TMEM181: variants seen among roughly 807,000 people sequenced by gnomAD.
The protein encoded by TMEM181 is transmembrane protein 181, also known as G protein-coupled receptor 178.
In TMEM181, 39 loss-of-function variants were observed where a neutral mutation model predicts 71.9. The ratio of observed to expected loss-of-function variants is 0.54; its 90% confidence interval spans 0.42 to 0.71. The LOEUF is 0.71. Among genes scored for constraint, TMEM181 ranks in the 30% least tolerant of loss-of-function variants. TMEM181 has a pLI of 0.00. For synonymous variants in TMEM181, 245 were observed against 228.8 expected (o/e 1.07, Z -0.64); for missense variants, 595 against 583.0 (o/e 1.02, Z -0.21).
chr6:158,575,456 G>A (rs530591126), intron 2 of TMEM181, among the ~76,000 whole-genome samples: 3 of 152,154 alleles, frequency 2.0e-5, no homozygotes, highest in African/African-American at 7.2e-5. Flanking sequence ...TGGGATTAGA[G>A]GCACCTGCCT....
At chr6:158,549,433 T>C (rs1040081665) in intron 1 of TMEM181, among the ~76,000 whole-genome samples, 4 of 152,244 alleles carry the variant, frequency 2.6e-5, no homozygotes, top group Non-Finnish European at 4.4e-5. Context: ...TAACATATAG[T>C]AGTAGACTTT....
At chr6:158,605,797 T>G (rs1173912398) in intron 7 of TMEM181, among the ~76,000 whole-genome samples, 1 of 152,138 alleles carries the variant, frequency 6.6e-6, no homozygotes, top group Non-Finnish European at 1.5e-5. Context: ...TGGGCTCGTT[T>G]GGGATCTGAG....
rs1371739887 is a variant in TMEM181, at chr6:158,597,049, G to T, written c.492+7267G>T. Among the ~76,000 whole-genome samples the T allele has an allele frequency of 2.0e-5, 3 of 152,140 alleles. No individual in the cohort carries two copies. The East Asian group carries it at 5.8e-4, about 29-fold the overall frequency. ...GATGAGGCTCTGTTTTCAGTGGAAG[G>T]TGTCTGTGCTGAGCAGATGTCTAGA... On this transcript the variant is annotated intron_variant, in intron 6 of 16. Coordinates refer to ENST00000684151, the MANE Select transcript of TMEM181 (RefSeq NM_001376852.1).
Position 158,634,744 on chromosome 6 carries a change from A to G in TMEM181, c.*2856A>G, listed in dbSNP as rs1013309088. The G allele has an allele frequency of 6.6e-6, 1 of 152,226 alleles. No homozygotes were observed. The highest frequency in any genetic ancestry group is 1.5e-5 in the Non-Finnish European group (1 of 68,042). The allele number at this position is 152,226 out of a possible 1,614,324, so 9.4% of individuals were successfully genotyped here. On this transcript the variant is annotated 3_prime_UTR_variant, in exon 17 of 17. Transcript: ENST00000684151. ...CAGATTGCAATAAAAGCTTAGATAC[A>G]TTTTGTAAACCCAACCCACTAAATG...
At position 158,580,801 on chromosome 6, in the gene TMEM181, T is replaced by C. The variant is rs982269950; in HGVS notation, c.113-139T>C. 7.6e-6 allele frequency: 5 copies of C among 658,518 alleles called. No individual in the cohort carries two copies. In the African/African-American group the frequency reaches 9.0e-5, roughly 12 times the overall value. The allele number at this position is 658,518 out of a possible 1,614,324, so 40.8% of individuals were successfully genotyped here. A position where few individuals can be genotyped will look rare whatever the true frequency, so the allele number is the denominator to read the frequency against. Reference sequence around the variant, plus strand: ...TGTGTTTATATCTTCTACTTACACATTGTATAATCTCTAAAGAAAAACCAG... The same window carrying C: ...TGTGTTTATATCTTCTACTTACACACTGTATAATCTCTAAAGAAAAACCAG... On this transcript the variant is annotated intron_variant, in intron 2 of 16. Coordinates refer to ENST00000684151, the MANE Select transcript of TMEM181 (RefSeq NM_001376852.1).
chr6:158,546,789 A>G (rs953862068), intron 1 of TMEM181, among the ~76,000 whole-genome samples: 5 of 150,784 alleles, frequency 3.3e-5, no homozygotes, highest in South Asian at 2.1e-4. Flanking sequence ...GTGAAACCCC[A>G]TCTCTACTAA....
At chr6:158,564,839 A>G (rs1347699255) in intron 1 of TMEM181, among the ~76,000 whole-genome samples, 4 of 152,196 alleles carry the variant, frequency 2.6e-5, no homozygotes, top group African/African-American at 9.7e-5. Flanking sequence ...TACAGATTGG[A>G]AAAATAAAAA....
intron 1 of TMEM181, among the ~76,000 whole-genome samples, chr6:158,544,218 T>TGTGTGTGTGTGTGTGTGTGTGTG (rs1554300407): frequency 3.5e-5 from 5 of 144,158 alleles, no homozygotes; most frequent in African/African-American, 7.7e-5. Flanking sequence ...TGTGTGTGTG[T>TGTGTGTGTGTGTGTGTGTGTGTG]TGGGGTGAGG....
In TMEM181 at chr6:158,571,938, G is replaced by A. The variant is rs145719240; in HGVS notation, c.9-1482G>A. Among the ~76,000 whole-genome samples the A allele has an allele frequency of 1.6e-3, 244 of 152,362 alleles. 1 individual carries two copies. The highest frequency in any genetic ancestry group is 5.5e-3 in the African/African-American group (230 of 41,592). On this transcript the variant is annotated intron_variant, in intron 1 of 16. Coordinates refer to ENST00000684151, the MANE Select transcript of TMEM181 (RefSeq NM_001376852.1). ...CTCTGAGGATCTGTCAGGCCCCAGA[G>A]CTGAGTTGGGGCCAGGCCACCTCCT...
intron 14 of TMEM181, 50 bp downstream of exon 14, chr6:158,628,540 G>C: frequency 1.3e-6 from 2 of 1,544,064 alleles, no homozygotes; most frequent in Non-Finnish European, 1.8e-6. Flanking sequence ...GCTTAGCATT[G>C]CAGCAGTTAG....
At chr6:158,572,296 G>A (rs1782898122) in intron 1 of TMEM181, 1 of 348,916 alleles carries the variant, frequency 2.9e-6, no homozygotes. Context: ...CCTTCCTGCA[G>A]GGCCAGGCTG....
At chr6:158,589,320 T>C (rs1313489565) in intron 5 of TMEM181, among the ~76,000 whole-genome samples, 1 of 152,234 alleles carries the variant, frequency 6.6e-6, no homozygotes, top group African/African-American at 2.4e-5. Context: ...GGCATCTGCA[T>C]TGACGTGTCT....
In TMEM181 at chr6:158,633,796, AATG is replaced by A. The variant is rs1242698946; in HGVS notation, c.*1912_*1914del. On this transcript the variant is annotated 3_prime_UTR_variant, in exon 17 of 17. Coordinates refer to ENST00000684151, the MANE Select transcript of TMEM181 (RefSeq NM_001376852.1). ...AAGTTTACATGATTTTTAAATTTGC[AATG>A]ATGTTTTTTTTATTCTGTGTATTGA... 6.2e-4 allele frequency: 94 copies of A among 152,150 alleles called. 1 individual carries two copies. The highest frequency in any genetic ancestry group is 2.2e-3 in the African/African-American group (91 of 41,438). The allele number at this position is 152,150 out of a possible 1,614,324, so 9.4% of individuals were successfully genotyped here.
At chr6:158,626,933 T>C (rs144044409) in intron 13 of TMEM181, among the ~76,000 whole-genome samples, 39 of 24,196 alleles carry the variant, frequency 1.6e-3, no homozygotes, top group African/African-American at 9.5e-3. Flanking sequence ...CTCACCCTCA[T>C]TCTCACCCTC....
intron 6 of TMEM181, among the ~76,000 whole-genome samples, chr6:158,591,739 C>T (rs1404515253): frequency 6.6e-6 from 1 of 152,104 alleles, no homozygotes; most frequent in Non-Finnish European, 1.5e-5. Flanking sequence ...AACATCATCT[C>T]CTACAAGCCT....
intron 10 of TMEM181, chr6:158,611,280 T>G (rs1343791039): frequency 2.0e-6 from 1 of 498,400 alleles, no homozygotes; most frequent in Non-Finnish European, 4.1e-6. Context: ...TGGCTGGTCC[T>G]TCACTCCTAG....
chr6:158,556,474 G>A (rs1299774192), upstream of TMEM181, among the ~76,000 whole-genome samples: 2 of 152,202 alleles, frequency 1.3e-5, no homozygotes, highest in Non-Finnish European at 1.5e-5. Flanking sequence ...TGAACTATGT[G>A]CCTTTTCAGG....
Position 158,589,850 on chromosome 6 carries a change from T to G in TMEM181, c.492+68T>G. 4 of 1,119,632 alleles carry G rather than the reference T, an allele frequency of 3.6e-6. No individual in the cohort carries two copies. The South Asian group carries it at 5.2e-5, about 15-fold the overall frequency. The allele number at this position is 1,119,632 out of a possible 1,614,324, so 69.4% of individuals were successfully genotyped here. The stretch of plus-strand genomic sequence containing the variant: ...TAGTTCCCATTCTTTGTTCAATGAT[T>G]GAAATACATCTCAGCATCTAAATAA... On this transcript the variant is annotated intron_variant, in intron 6 of 16. Coordinates refer to ENST00000684151, the MANE Select transcript of TMEM181 (RefSeq NM_001376852.1).
intron 6 of TMEM181, among the ~76,000 whole-genome samples, chr6:158,590,742 G>A (rs780587463): frequency 7.2e-5 from 11 of 152,352 alleles, no homozygotes; most frequent in Middle Eastern, 3.4e-3. Flanking sequence ...GATTGCAGGC[G>A]TGAGCCACCG....
Sources: allele counts gnomAD v4.1 joint callset (sites outside exome capture counted in the v4.1 genomes callset), GRCh38; gene constraint gnomAD v4.1.1; transcripts MANE v1.5; gene names NCBI Gene and HGNC (gene_info 2026-07-23, HGNC 2026-07-21).